PIWIL4: variants seen among roughly 807,000 people sequenced by gnomAD.
The protein encoded by PIWIL4 is piwi like RNA-mediated gene silencing 4, also known as piwi-like protein 4.
PIWIL4 carries 50 observed loss-of-function variants against 100.9 expected under a neutral mutation model. That is an observed-to-expected ratio of 0.50 (90% CI 0.39 to 0.63). PIWIL4 has a LOEUF of 0.63. Ranked by LOEUF, PIWIL4 falls within the 20% of genes least tolerant of loss-of-function variation. PIWIL4 has a pLI of 0.00. For synonymous variants in PIWIL4, 342 were observed against 367.5 expected (o/e 0.93, Z 0.79); for missense variants, 887 against 1,043.3 (o/e 0.85, Z 2.06).
chr11:94,575,097 G>A lies in PIWIL4; in HGVS notation c.265G>A (p.Glu89Lys). The change falls in exon 3 of 20, where the codon GAA (glutamate) becomes AAA (lysine). Residue 89 changes from glutamate to lysine, a missense_variant. Physicochemically the swap from Glu to Lys is moderately conservative, Grantham distance 56. Coordinates refer to ENST00000299001, the MANE Select transcript of PIWIL4 (RefSeq NM_152431.3). ...TATGGATTTGAGTATCTGTACCAGAGAAAAATTGGCACATGTGAGAAATTG... is the reference window on the plus strand; with the variant it reads ...TATGGATTTGAGTATCTGTACCAGAAAAAAATTGGCACATGTGAGAAATTG... ...DFMDLSICTR[E>K]KLAHVRNCKT... is the part of the protein sequence containing the mutation. The A allele has an allele frequency of 6.2e-7, 1 of 1,613,654 alleles. No homozygotes were observed. Among genetic ancestry groups the A allele is most frequent in the Admixed American group, 1.7e-5 (1 of 59,946 alleles).
chr11:94,587,480 A>G (rs1035652943), intron 7 of PIWIL4, among the ~76,000 whole-genome samples: 3 of 151,874 alleles, frequency 2.0e-5, no homozygotes, highest in Non-Finnish European at 4.4e-5. Context: ...CCCTAATGCC[A>G]CTCTCTATTC....
At chr11:94,567,807 G>A (rs1290148277) in intron 1 of PIWIL4, 1 of 1,204,620 alleles carries the variant, frequency 8.3e-7, no homozygotes, top group African/African-American at 1.6e-5. Flanking sequence ...ATTAACGTAG[G>A]TATATTAGCC....
rs1948376304 is a variant in PIWIL4, at chr11:94,584,811, T to C, written c.636-634T>C. ...CTGGGCCGGTGGCTCACACCTGTAA[T>C]CCCAGCACTTTGGGAGGCAGAGGCG... On this transcript the variant is annotated intron_variant, in intron 5 of 19. Transcript: ENST00000299001. 1.3e-5 allele frequency among the ~76,000 whole-genome samples: 2 copies of C among 152,100 alleles called. 1 individual carries two copies. Among genetic ancestry groups the C allele is most frequent in the South Asian group, 4.1e-4 (2 of 4,826 alleles).
At chr11:94,589,288 C>T (rs1948448052) in intron 8 of PIWIL4, 56 bp downstream of exon 8, 1 of 1,441,156 alleles carries the variant, frequency 6.9e-7, no homozygotes, top group East Asian at 2.3e-5. Flanking sequence ...AGAGAAGTCT[C>T]CTTATTCCAA....
At chr11:94,583,220 C>T in intron 4 of PIWIL4, among the ~76,000 whole-genome samples, 1 of 152,122 alleles carries the variant, frequency 6.6e-6, no homozygotes, top group Non-Finnish European at 1.5e-5. Context: ...GGCTTTAATT[C>T]TCCCTTAAGA....
At chr11:94,590,404 C>T (rs1948467755) in intron 8 of PIWIL4, among the ~76,000 whole-genome samples, 2 of 152,178 alleles carry the variant, frequency 1.3e-5, no homozygotes, top group South Asian at 4.1e-4. Flanking sequence ...TCTTAGTCTC[C>T]TTTGACGTTT....
rs182246386 is a variant in PIWIL4, at chr11:94,608,951, G to A, written c.1943+265G>A. Among the ~76,000 whole-genome samples, 628 of 152,238 alleles carry A rather than the reference G, an allele frequency of 4.1e-3. 3 individuals carry two copies. The highest frequency in any genetic ancestry group is 9.3e-3 in the South Asian group (45 of 4,830). The stretch of plus-strand genomic sequence containing the variant: ...ATGATAGATGTGTACAAATTCTTGT[G>A]CATTTATTTATTTTCTGAGTGTCTG... On this transcript the variant is annotated intron_variant, in intron 15 of 19. Transcript: ENST00000299001.
At chr11:94,573,100 G>T (rs1237198239) in intron 2 of PIWIL4, among the ~76,000 whole-genome samples, 1 of 152,110 alleles carries the variant, frequency 6.6e-6, no homozygotes, top group Admixed American at 6.5e-5. Flanking sequence ...GTCTGTTATT[G>T]GTGTGTAGGA....
Position 94,620,066 on chromosome 11 carries a change from C to G in PIWIL4, c.2364C>G (p.Ile788Met), listed in dbSNP as rs1463582214. Residue 788 changes from isoleucine (I) to methionine (M), a missense_variant, in exon 19 of 20, where the codon ATC (isoleucine) becomes ATG (methionine). Coordinates refer to ENST00000299001, the MANE Select transcript of PIWIL4 (RefSeq NM_152431.3). ...TTAGTCCTACCTACTATAATGTCAT[C>G]TATGATGACAACGGCTTGAAGCCCG... The part of the protein sequence containing the change: ...GTVSPTYYNV[I>M]YDDNGLKPDH... 1.9e-6 allele frequency: 3 copies of G among 1,613,956 alleles called. No homozygotes were observed. In the African/African-American group the frequency reaches 4.0e-5, roughly 22 times the overall value.
intron 7 of PIWIL4, among the ~76,000 whole-genome samples, chr11:94,587,987 G>A (rs1948427000): frequency 6.6e-6 from 1 of 152,160 alleles, no homozygotes; most frequent in South Asian, 2.1e-4. Flanking sequence ...GGATATATGT[G>A]CAGGATGTGC....
chr11:94,598,321 A>C (rs774129234), intron 11 of PIWIL4, among the ~76,000 whole-genome samples: 6 of 152,180 alleles, frequency 3.9e-5, no homozygotes, highest in Non-Finnish European at 7.3e-5. Context: ...AGCTTTTGCA[A>C]TGACTTTTAG....
intron 2 of PIWIL4, among the ~76,000 whole-genome samples, chr11:94,574,381 G>C (rs1408945711): frequency 1.3e-5 from 2 of 152,230 alleles, no homozygotes; most frequent in African/African-American, 2.4e-5. Context: ...TTACACAAGA[G>C]CTAACGGCAG....
intron 18 of PIWIL4, 42 bp from the exon 19 acceptor site, chr11:94,619,955 T>C (rs376181766): frequency 3.4e-5 from 55 of 1,614,042 alleles, no homozygotes; most frequent in Non-Finnish European, 4.3e-5. Flanking sequence ...GACCTTATTC[T>C]GTTTGCCTTC....
chr11:94,593,880 C>CTGG (rs1948519942), intron 9 of PIWIL4, among the ~76,000 whole-genome samples: 5 of 152,144 alleles, frequency 3.3e-5, no homozygotes, highest in African/African-American at 9.7e-5. Flanking sequence ...CATCCTAAAA[C>CTGG]CAAGTTTCTC....
chr11:94,572,393 G>A (rs547962161), intron 2 of PIWIL4, among the ~76,000 whole-genome samples: 69 of 152,300 alleles, frequency 4.5e-4, no homozygotes, highest in African/African-American at 1.4e-3. Context: ...TATTGCCTGG[G>A]TTTTCTTCTA....
chr11:94,601,148 G>A (rs926339082), intron 11 of PIWIL4, among the ~76,000 whole-genome samples: 2 of 151,758 alleles, frequency 1.3e-5, no homozygotes, highest in Admixed American at 1.3e-4. Context: ...ATTGATTGAG[G>A]AAGTGATAAG....
chr11:94,598,965 C>G (rs1948598778), intron 11 of PIWIL4, among the ~76,000 whole-genome samples: 1 of 152,188 alleles, frequency 6.6e-6, no homozygotes, highest in Admixed American at 6.5e-5. Flanking sequence ...ACCTCAGCCT[C>G]TCAAAGTGCT....
At chr11:94,613,713 G>T (rs567301472) in intron 15 of PIWIL4, among the ~76,000 whole-genome samples, 1 of 152,044 alleles carries the variant, frequency 6.6e-6, no homozygotes, top group African/African-American at 2.4e-5. Context: ...GATCAAGTCT[G>T]CTATTGATAT....
chr11:94,619,978 A>T lies in PIWIL4; in HGVS notation c.2295-19A>T, dbSNP rs1490448176. On this transcript the variant is annotated intron_variant, in intron 18 of 19. Transcript: ENST00000299001. ...TCTGTTTGCCTTCTTTCCTACATTC[A>T]TTCCATTTTCCCCCTCAGGTATGAC... The T allele has an allele frequency of 6.2e-7, 1 of 1,614,138 alleles. No individual in the cohort carries two copies. The highest frequency in any genetic ancestry group is 2.2e-5 in the East Asian group (1 of 44,888).
Sources: allele counts gnomAD v4.1 joint callset (sites outside exome capture counted in the v4.1 genomes callset), GRCh38; gene constraint gnomAD v4.1.1; transcripts MANE v1.5; gene names NCBI Gene and HGNC (gene_info 2026-07-23, HGNC 2026-07-21).